Variants in GRID2 observed in about 807,000 individuals in gnomAD.
GRID2 encodes the protein glutamate receptor ionotropic, delta-2.
A neutral mutation model predicts 114.8 loss-of-function variants in GRID2; 33 were observed. That is an observed-to-expected ratio of 0.29 (90% CI 0.22 to 0.38). GRID2 has a LOEUF of 0.38. GRID2 is among the 10% of genes least tolerant of loss of function. The probability of loss-of-function intolerance (pLI) is 1.00; values close to 1 mark genes in which losing one functional copy is unlikely to be tolerated. For synonymous variants in GRID2, 505 were observed against 449.9 expected, an observed-to-expected ratio of 1.12 and a Z score of -1.55; for missense variants, 1,184 against 1,257.7, an observed-to-expected ratio of 0.94 and a Z score of 0.89.
chr4:92,923,406 T>C (rs1578485845), intron 2 of GRID2, among the ~76,000 whole-genome samples: 1 of 152,160 alleles, frequency 6.6e-6, no homozygotes, highest in South Asian at 2.1e-4. Context: ...TGCTTTATTG[T>C]TGTAATCTTT....
At chr4:92,352,491 C>G (rs529266149) in intron 1 of GRID2, among the ~76,000 whole-genome samples, 1 of 151,890 alleles carries the variant, frequency 6.6e-6, no homozygotes, top group African/African-American at 2.4e-5. Context: ...TTGATTGTTA[C>G]GTTTTCTAGG....
chr4:93,385,329 G>C (rs936047899), intron 8 of GRID2, among the ~76,000 whole-genome samples: 8 of 152,138 alleles, frequency 5.3e-5, no homozygotes, highest in African/African-American at 1.7e-4. Flanking sequence ...ATGACTCTTG[G>C]TGTGAACCCA....
At chr4:93,683,356 C>T (rs565754106) in intron 14 of GRID2, among the ~76,000 whole-genome samples, 1 of 152,142 alleles carries the variant, frequency 6.6e-6, no homozygotes, top group South Asian at 2.1e-4. Context: ...GGTTAAATGG[C>T]AGTTTCAGTC....
chr4:93,031,078 C>A (rs1427189922), intron 2 of GRID2, among the ~76,000 whole-genome samples: 1 of 144,514 alleles, frequency 6.9e-6, no homozygotes, highest in African/African-American at 2.6e-5. Flanking sequence ...GCTCTGTCGC[C>A]CAGACTGGAG....
chr4:93,065,220 T>G (rs1728196893), intron 2 of GRID2, among the ~76,000 whole-genome samples: 1 of 151,902 alleles, frequency 6.6e-6, no homozygotes, highest in Non-Finnish European at 1.5e-5. Flanking sequence ...AACCTAGTTT[T>G]AAAATTTCAG....
intron 1 of GRID2, among the ~76,000 whole-genome samples, chr4:92,314,587 G>A (rs1174103008): frequency 6.6e-6 from 1 of 152,090 alleles, no homozygotes; most frequent in Non-Finnish European, 1.5e-5. Context: ...TTTCAACACT[G>A]ACATCATAAC....
intron 1 of GRID2, among the ~76,000 whole-genome samples, chr4:92,384,517 T>TATATTA (rs11270119): frequency 0.074 from 2,664 of 35,850 alleles, 174 homozygotes; most frequent in South Asian, 0.11. Flanking sequence ...ATATATAATA[T>TATATTA]TATATAATAT....
intron 2 of GRID2, among the ~76,000 whole-genome samples, chr4:92,712,990 T>A (rs957238388): frequency 6.6e-6 from 1 of 150,916 alleles, no homozygotes; most frequent in African/African-American, 2.5e-5. Context: ...TGACTTTTTC[T>A]TTTTTCTTTT....
chr4:92,821,531 T>G (rs1283613893), intron 2 of GRID2, among the ~76,000 whole-genome samples: 1 of 152,162 alleles, frequency 6.6e-6, no homozygotes, highest in Non-Finnish European at 1.5e-5. Context: ...TGATCTTGAT[T>G]TCAGTTAATA....
At chr4:92,822,916 C>G (rs12499927) in intron 2 of GRID2, 44,198 of 152,062 alleles carry the variant, frequency 0.29, 6,896 homozygotes, top group Middle Eastern at 0.44. Flanking sequence ...TCTGCTCTGT[C>G]ATGGTGGTGG....
intron 8 of GRID2, among the ~76,000 whole-genome samples, chr4:93,317,511 A>T (rs1756783699): frequency 6.6e-6 from 1 of 152,128 alleles, no homozygotes; most frequent in African/African-American, 2.4e-5. Flanking sequence ...TTTGTGCCAC[A>T]TAAAATTTGA....
At chr4:93,653,337 T>C (rs1056626611) in intron 14 of GRID2, among the ~76,000 whole-genome samples, 8 of 152,198 alleles carry the variant, frequency 5.3e-5, no homozygotes, top group Admixed American at 5.2e-4. Flanking sequence ...TTTTTATTAG[T>C]TAATATATTT....
chr4:93,332,983 A>G (rs1403544378), intron 8 of GRID2, among the ~76,000 whole-genome samples: 1 of 152,178 alleles, frequency 6.6e-6, no homozygotes, highest in Non-Finnish European at 1.5e-5. Flanking sequence ...TTGATAAAAC[A>G]TGCTTTATTC....
At chr4:92,807,265 ATATC>A (rs1318374160) in intron 2 of GRID2, among the ~76,000 whole-genome samples, 2 of 152,004 alleles carry the variant, frequency 1.3e-5, no homozygotes, top group African/African-American at 2.4e-5. Context: ...TTTTTCTGGA[ATATC>A]TATATATTGT....
intron 14 of GRID2, among the ~76,000 whole-genome samples, chr4:93,701,238 T>A (rs1308998387): frequency 6.6e-6 from 1 of 152,182 alleles, no homozygotes; most frequent in African/African-American, 2.4e-5. Context: ...AGGAATGATT[T>A]CAAATCAAGA....
At chr4:93,047,124 A>T (rs1726224112) in intron 2 of GRID2, among the ~76,000 whole-genome samples, 1 of 152,028 alleles carries the variant, frequency 6.6e-6, no homozygotes, top group African/African-American at 2.4e-5. Flanking sequence ...ACCAAAATGA[A>T]ACATCCTACA....
chr4:92,944,371 G>A (rs1444342698), intron 2 of GRID2, among the ~76,000 whole-genome samples: 3 of 152,228 alleles, frequency 2.0e-5, no homozygotes, highest in Non-Finnish European at 4.4e-5. Flanking sequence ...GACCCTCTGA[G>A]CCAGGTGCTG....
intron 2 of GRID2, among the ~76,000 whole-genome samples, chr4:92,955,274 C>T (rs1295454693): frequency 1.3e-5 from 2 of 149,830 alleles, no homozygotes; most frequent in Non-Finnish European, 3.0e-5. Flanking sequence ...CTCTCCAGCA[C>T]CTGTTGTTTC....
At chr4:93,242,705 T>G (rs960817504) in intron 8 of GRID2, among the ~76,000 whole-genome samples, 1 of 151,866 alleles carries the variant, frequency 6.6e-6, no homozygotes, top group Admixed American at 6.6e-5. Context: ...GAAATTATGT[T>G]TGGGGAGAGA....
Sources: allele counts gnomAD v4.1 joint callset (sites outside exome capture counted in the v4.1 genomes callset), GRCh38; gene constraint gnomAD v4.1.1; transcripts MANE v1.5; gene names NCBI Gene and HGNC (gene_info 2026-07-23, HGNC 2026-07-21).